The following SIK2 variants were observed in gnomAD, a reference collection of about 807,000 sequenced individuals.
The protein encoded by SIK2 is salt inducible kinase 2.
SIK2 carries 29 observed loss-of-function variants against 103.2 expected under a neutral mutation model. The observed-to-expected ratio is 0.28, with a 90% CI of 0.21 to 0.38. SIK2 has a LOEUF of 0.38. Among genes scored for constraint, SIK2 ranks in the 10% least tolerant of loss-of-function variants. SIK2 has a pLI of 1.00. For synonymous variants in SIK2, 412 were observed against 446.1 expected (o/e 0.92, Z 0.96); for missense variants, 879 against 1,171.0 (o/e 0.75, Z 3.64).
At chr11:111,669,939 T>G (rs1479582934) in intron 3 of SIK2, among the ~76,000 whole-genome samples, 1 of 152,234 alleles carries the variant, frequency 6.6e-6, no homozygotes, top group Non-Finnish European at 1.5e-5. Context: ...ATGTACATAC[T>G]TTCAGGGTAC....
At chr11:111,644,023 A>C (rs113491554) in intron 3 of SIK2, among the ~76,000 whole-genome samples, 3,653 of 151,766 alleles carry the variant, frequency 0.024, 91 homozygotes, top group African/African-American at 0.062. Flanking sequence ...CGTGGTGGCT[A>C]ACACCTGTAA....
intron 1 of SIK2, among the ~76,000 whole-genome samples, chr11:111,607,760 A>C (rs146784146): frequency 4.6e-5 from 7 of 152,318 alleles, no homozygotes; most frequent in Non-Finnish European, 1.0e-4. Context: ...GTATTCTGCT[A>C]ACTATTGTTC....
At chr11:111,703,159 G>T in intron 6 of SIK2, 44 bp from the exon 7 acceptor site, 1 of 1,567,238 alleles carries the variant, frequency 6.4e-7, no homozygotes. Flanking sequence ...ACCCTGAAGT[G>T]CAAGGTGATT....
rs559498931 is a variant in SIK2 at position 111,729,549 on chromosome 11, G to A, written c.*5420G>A. ...CTGGTGATAGAAGGAGCTGGGACAC[G>A]CGCTTGGGTTGACTGGCTTCTGGTT... On this transcript the variant is annotated 3_prime_UTR_variant, in exon 15 of 15. Coordinates refer to ENST00000304987, the MANE Select transcript of SIK2 (RefSeq NM_015191.3). The A allele has an allele frequency of 1.3e-5, 2 of 152,228 alleles. No individual in the cohort carries two copies. Among genetic ancestry groups the A allele is most frequent in the Admixed American group, 6.5e-5 (1 of 15,280 alleles). The allele number at this position is 152,228 out of a possible 1,614,324, so 9.4% of individuals were successfully genotyped here.
chr11:111,683,804 C>T (rs999610430), intron 3 of SIK2, among the ~76,000 whole-genome samples: 1 of 152,208 alleles, frequency 6.6e-6, no homozygotes, highest in African/African-American at 2.4e-5. Context: ...ATGTTAACTT[C>T]AAGACCATGT....
chr11:111,659,298 T>C (rs1942437464), intron 3 of SIK2, among the ~76,000 whole-genome samples: 1 of 152,178 alleles, frequency 6.6e-6, no homozygotes, highest in Non-Finnish European at 1.5e-5. Context: ...TAGTCTGATT[T>C]GACTTTTGCC....
chr11:111,705,036 T>C lies in SIK2; in HGVS notation c.998T>C (p.Leu333Ser). Residue 333 changes from leucine (L) to serine (S), a missense_variant, in exon 8 of 15, where the codon TTG becomes TCG. Transcript: ENST00000304987. The surrounding 1 kb of genome is among the most constrained non-coding windows in gnomAD (Gnocchi z 4.3). ...CACTTTGCTGCCATTTATTTCTTGT[T>C]GGTGGAGCGCCTGAAATCACATCGG... ...YNHFAAIYFL[L>S]VERLKSHRSS... 1 of 1,609,758 alleles carries C rather than the reference T, an allele frequency of 6.2e-7. No homozygotes were observed. Among genetic ancestry groups the C allele is most frequent in the Non-Finnish European group, 8.5e-7 (1 of 1,178,840 alleles).
At chr11:111,699,364 G>A (rs1943157188) in intron 4 of SIK2, among the ~76,000 whole-genome samples, 2 of 152,104 alleles carry the variant, frequency 1.3e-5, no homozygotes, top group African/African-American at 4.8e-5. Context: ...TCTCTGAAAG[G>A]CAACAGTTGG....
At position 111,721,901 on chromosome 11, in the gene SIK2, G is replaced by C. The variant is rs374073290; in HGVS notation, c.2016G>C (p.Arg672=). The change falls in exon 13 of 15, where the codon CGG becomes CGC. Residue 672 remains arginine (R), a synonymous_variant. Coordinates refer to ENST00000304987, the MANE Select transcript of SIK2 (RefSeq NM_015191.3). ...GCGTGCATCCCCAGCTGTCCCCACG[G>C]CAGAGCCTGGAGACCCAGTACCTGC... ...PASVHPQLSP[R]QSLETQYLQH... is the part of the protein sequence containing the mutation. 1.9e-6 allele frequency: 3 copies of C among 1,611,212 alleles called. No homozygotes were observed. The highest frequency in any genetic ancestry group is 2.7e-5 in the African/African-American group (2 of 74,838).
At chr11:111,611,085 AATGTGTGT>A (rs1216504094) in intron 1 of SIK2, among the ~76,000 whole-genome samples, 23 of 134,782 alleles carry the variant, frequency 1.7e-4, no homozygotes, top group East Asian at 1.2e-3. Context: ...CTCTCGACCA[AATGTGTGT>A]GTGTGTGTGT....
At chr11:111,704,946 CTTTACA>C in intron 7 of SIK2, 35 bp from the exon 8 acceptor site, 1 of 1,553,910 alleles carries the variant, frequency 6.4e-7, no homozygotes, top group Non-Finnish European at 8.6e-7. Flanking sequence ...TTGCATTGGT[CTTTACA>C]GTTCTTTGCC....
chr11:111,665,514 A>C (rs907652624), intron 3 of SIK2, among the ~76,000 whole-genome samples: 1 of 152,140 alleles, frequency 6.6e-6, no homozygotes, highest in Non-Finnish European at 1.5e-5. Flanking sequence ...GTCTCAAAAA[A>C]AGAAAAAAAA....
At chr11:111,679,963 AAAT>A (rs1369061331) in intron 3 of SIK2, among the ~76,000 whole-genome samples, 2 of 152,146 alleles carry the variant, frequency 1.3e-5, no homozygotes, top group East Asian at 3.8e-4. Context: ...TCTCTACTAA[AAAT>A]AAAAAATTAG....
At chr11:111,626,396 T>G (rs1050441789) in intron 3 of SIK2, among the ~76,000 whole-genome samples, 3 of 151,726 alleles carry the variant, frequency 2.0e-5, no homozygotes, top group Non-Finnish European at 4.4e-5. Context: ...TTTACAAAAC[T>G]ATTTCTCTCT....
chr11:111,717,336 A>AG lies in SIK2; in HGVS notation c.1267-2439_1267-2438insG, dbSNP rs1354539157. Among the ~76,000 whole-genome samples the AG allele has an allele frequency of 8.6e-4, 129 of 150,642 alleles. 2 individuals carry two copies. Among genetic ancestry groups the AG allele is most frequent in the Non-Finnish European group, 1.4e-3 (95 of 67,544 alleles). ...CCGTCTCAAAAAAAAAAAAAAAAAAAAAAAAAAGCTCAACATGACTGATCA... is the reference window on the plus strand; with the variant it reads ...CCGTCTCAAAAAAAAAAAAAAAAAAAGAAAAAAAGCTCAACATGACTGATCA... On this transcript the variant is annotated intron_variant, in intron 9 of 14. Coordinates refer to ENST00000304987, the MANE Select transcript of SIK2 (RefSeq NM_015191.3).
intron 3 of SIK2, among the ~76,000 whole-genome samples, chr11:111,652,693 T>C (rs1942342836): frequency 6.6e-6 from 1 of 152,236 alleles, no homozygotes. Flanking sequence ...TTATTAATAA[T>C]TACCATGTGG....
rs757452382 is a variant in SIK2 at position 111,719,912 on chromosome 11, T to C, written c.1404T>C (p.His468=). ...TEGEAEEDPA[H]AFEAFQSTRS... ...GAGAGGCCGAGGAAGACCCCGCTCATGCCTTTGAGGCATTTCAGTCCACAC... is the reference window on the plus strand; with the variant it reads ...GAGAGGCCGAGGAAGACCCCGCTCACGCCTTTGAGGCATTTCAGTCCACAC... The change falls in exon 10 of 15, where the codon CAT becomes CAC. Residue 468 remains histidine (H), a synonymous_variant. Coordinates refer to ENST00000304987, the MANE Select transcript of SIK2 (RefSeq NM_015191.3). 138 of 1,614,048 alleles carry C rather than the reference T, an allele frequency of 8.5e-5. No individual in the cohort carries two copies. The highest frequency in any genetic ancestry group is 1.1e-4 in the Non-Finnish European group (132 of 1,180,036).
At chr11:111,633,684 C>T (rs866082560) in intron 3 of SIK2, among the ~76,000 whole-genome samples, 4 of 152,202 alleles carry the variant, frequency 2.6e-5, no homozygotes, top group Non-Finnish European at 2.9e-5. Context: ...TTTCTTCTAA[C>T]TCCCACACCT....
intron 3 of SIK2, among the ~76,000 whole-genome samples, chr11:111,662,162 A>G (rs1018845818): frequency 2.6e-5 from 4 of 152,230 alleles, no homozygotes; most frequent in African/African-American, 9.6e-5. Context: ...ATATAGGATG[A>G]TTGGAGACAG....
Sources: allele counts gnomAD v4.1 joint callset (sites outside exome capture counted in the v4.1 genomes callset), GRCh38; gene constraint gnomAD v4.1.1; non-coding constraint Gnocchi (gnomAD v3.1); transcripts MANE v1.5; gene names NCBI Gene and HGNC (gene_info 2026-07-23, HGNC 2026-07-21).